PDE3A: variants seen among roughly 807,000 people sequenced by gnomAD.
The protein encoded by PDE3A is phosphodiesterase 3A, also known as cGMP-inhibited 3',5'-cyclic phosphodiesterase 3A.
A neutral mutation model predicts 98.3 loss-of-function variants in PDE3A; 43 were observed. The ratio of observed to expected loss-of-function variants is 0.44; its 90% CI spans 0.34 to 0.56. The LOEUF is 0.56. Among genes scored for constraint, PDE3A ranks in the 20% least tolerant of loss-of-function variants. PDE3A has a pLI of 0.01. For missense variants in PDE3A, 1,427 were observed against 1,440.7 expected (o/e 0.99, Z 0.15); for synonymous variants, 663 against 567.9 (o/e 1.17, Z -2.38).
chr12:20,490,018 GA>G (rs1377230597), intron 1 of PDE3A, among the ~76,000 whole-genome samples: 3 of 152,124 alleles, frequency 2.0e-5, no homozygotes, highest in African/African-American at 7.2e-5. Context: ...AGAGATGGGG[GA>G]GTTCTGGGTT....
At chr12:20,455,908 T>G (rs186407723) in intron 1 of PDE3A, among the ~76,000 whole-genome samples, 1 of 152,282 alleles carries the variant, frequency 6.6e-6, no homozygotes, top group East Asian at 1.9e-4. Context: ...GAAGCTTTCC[T>G]GCATCAAAGC....
chr12:20,669,997 A>G lies in PDE3A; in HGVS notation c.3185-10033A>G, dbSNP rs868498384. ...ACATAGGCTCAAAATAAAAGGATGG[A>G]GGCAGATCTACCAAGCAAATGGAAA... On this transcript the variant is annotated intron_variant, in intron 15 of 15. Coordinates refer to ENST00000359062, the MANE Select transcript of PDE3A (RefSeq NM_000921.5). 4.3e-3 allele frequency among the ~76,000 whole-genome samples: 650 copies of G among 151,416 alleles called. 6 individuals are homozygous for G. The highest frequency in any genetic ancestry group is 0.015 in the African/African-American group (608 of 40,924).
At chr12:20,568,298 C>CAA (rs2121303349) in intron 2 of PDE3A, among the ~76,000 whole-genome samples, 1 of 151,974 alleles carries the variant, frequency 6.6e-6, no homozygotes, top group East Asian at 1.9e-4. Context: ...GCTTTATGGA[C>CAA]ATTATTAACT....
chr12:20,513,276 A>G (rs1187747025), intron 1 of PDE3A, among the ~76,000 whole-genome samples: 1 of 152,198 alleles, frequency 6.6e-6, no homozygotes, highest in Non-Finnish European at 1.5e-5. Flanking sequence ...ATGTTAATAC[A>G]GTACGTTAGA....
At chr12:20,658,331 C>A (rs1945087953) in intron 15 of PDE3A, among the ~76,000 whole-genome samples, 1 of 152,076 alleles carries the variant, frequency 6.6e-6, no homozygotes, top group Admixed American at 6.6e-5. Flanking sequence ...TCCTTTTCAC[C>A]CAGTGTTATT....
intron 2 of PDE3A, among the ~76,000 whole-genome samples, chr12:20,584,098 T>C (rs1487822742): frequency 6.6e-6 from 1 of 152,220 alleles, no homozygotes; most frequent in Non-Finnish European, 1.5e-5. Flanking sequence ...GAAAGACTGG[T>C]TGTGCTCTTG....
intron 2 of PDE3A, among the ~76,000 whole-genome samples, chr12:20,588,647 T>C (rs1449430645): frequency 1.3e-5 from 2 of 152,046 alleles, no homozygotes; most frequent in African/African-American, 4.8e-5. Flanking sequence ...ACAAACAGCT[T>C]TGCTCTTACC....
chr12:20,511,417 TACAC>T (rs71884926), intron 1 of PDE3A, among the ~76,000 whole-genome samples: 3,668 of 147,900 alleles, frequency 0.025, 139 homozygotes, highest in African/African-American at 0.083. Flanking sequence ...AGTGCTCAAA[TACAC>T]ACACACACAC....
At chr12:20,421,886 G>C (rs1944518201) in intron 1 of PDE3A, among the ~76,000 whole-genome samples, 1 of 152,184 alleles carries the variant, frequency 6.6e-6, no homozygotes, top group Non-Finnish European at 1.5e-5. Flanking sequence ...AGAATAGCCT[G>C]TCTGGGATGA....
At chr12:20,676,405 T>G (rs896224844) in intron 15 of PDE3A, among the ~76,000 whole-genome samples, 6 of 152,164 alleles carry the variant, frequency 3.9e-5, no homozygotes, top group African/African-American at 1.4e-4. Context: ...ACTGAATGAT[T>G]TCTGCTGAGA....
chr12:20,456,549 T>G (rs1945154600), intron 1 of PDE3A, among the ~76,000 whole-genome samples: 1 of 152,036 alleles, frequency 6.6e-6, no homozygotes, highest in African/African-American at 2.4e-5. Context: ...CAACTTATAA[T>G]AACAGACCAG....
intron 2 of PDE3A, among the ~76,000 whole-genome samples, chr12:20,592,678 A>C (rs1372544047): frequency 6.6e-6 from 1 of 152,186 alleles, no homozygotes. Flanking sequence ...TTCTTTCTTC[A>C]GTACTCCTTT....
chr12:20,499,754 G>T (rs759995490), intron 1 of PDE3A, among the ~76,000 whole-genome samples: 7 of 151,996 alleles, frequency 4.6e-5, no homozygotes, highest in Non-Finnish European at 7.4e-5. Flanking sequence ...CAATTAGTTT[G>T]GCCAATGTAT....
chr12:20,458,838 G>T (rs887322925), intron 1 of PDE3A, among the ~76,000 whole-genome samples: 2 of 152,128 alleles, frequency 1.3e-5, no homozygotes, highest in Non-Finnish European at 2.9e-5. Context: ...AGCCTTTGAG[G>T]CCATCGGACT....
At chr12:20,620,941 G>A (rs534532480) in intron 4 of PDE3A, among the ~76,000 whole-genome samples, 10 of 152,116 alleles carry the variant, frequency 6.6e-5, no homozygotes, top group South Asian at 6.2e-4. Flanking sequence ...AAATTCACCC[G>A]CATCTTAACC....
intron 2 of PDE3A, among the ~76,000 whole-genome samples, chr12:20,580,804 C>T (rs778105775): frequency 6.6e-6 from 1 of 152,172 alleles, no homozygotes; most frequent in Non-Finnish European, 1.5e-5. Context: ...TCTGCACACT[C>T]GCATGTTGCT....
intron 1 of PDE3A, among the ~76,000 whole-genome samples, chr12:20,393,491 C>T (rs1188822153): frequency 1.3e-5 from 2 of 151,972 alleles, no homozygotes; most frequent in Admixed American, 1.3e-4. Flanking sequence ...GGTGGGGACA[C>T]AGCCAAACTA....
At chr12:20,578,801 G>C (rs1419729521) in intron 2 of PDE3A, among the ~76,000 whole-genome samples, 1 of 152,146 alleles carries the variant, frequency 6.6e-6, no homozygotes, top group Admixed American at 6.6e-5. Flanking sequence ...TATAAAGTGA[G>C]CATTGGAAAG....
At chr12:20,381,789 A>G (rs964445346) in intron 1 of PDE3A, among the ~76,000 whole-genome samples, 2 of 151,910 alleles carry the variant, frequency 1.3e-5, no homozygotes, top group Admixed American at 6.6e-5. Flanking sequence ...GTTATTTAAT[A>G]TCTCTGAACT....
Sources: allele counts gnomAD v4.1 joint callset (sites outside exome capture counted in the v4.1 genomes callset), GRCh38; gene constraint gnomAD v4.1.1; transcripts MANE v1.5; gene names NCBI Gene and HGNC (gene_info 2026-07-23, HGNC 2026-07-21).